Variants in TRMT11 observed in about 807,000 individuals in gnomAD.
TRMT11 encodes tRNA (guanine(10)-N(2))-methyltransferase TRMT11.
A neutral mutation model predicts 62.8 loss-of-function variants in TRMT11; 53 were observed. The ratio of observed to expected loss-of-function variants is 0.84; its 90% confidence interval spans 0.68 to 1.06. The LOEUF is 1.06. TRMT11 is among the 50% of genes least tolerant of loss of function. The pLI is 0.00. For missense variants in TRMT11, 556 were observed against 553.4 expected (o/e 1.00, Z -0.05); for synonymous variants, 188 against 190.3 (o/e 0.99, Z 0.10).
rs777192242 is a variant in TRMT11, at chr6:126,038,758, T to G, written c.1314T>G (p.Gly438=). 1 of 1,605,196 alleles carries G rather than the reference T, an allele frequency of 6.2e-7. No homozygotes were observed. The highest frequency in any genetic ancestry group is 8.5e-7 in the Non-Finnish European group (1 of 1,176,070). Reference sequence around the variant, plus strand: ...GTGATCATTTTCTGCCATACCAAGGTCATAATTCCTTCCGTGAGAAATATT... The same window carrying G: ...GTGATCATTTTCTGCCATACCAAGGGCATAATTCCTTCCGTGAGAAATATT... ...LLSDHFLPYQ[G]HNSFREKYFS... Residue 438 remains glycine, a synonymous_variant, in exon 13 of 13, where the codon GGT becomes GGG. Coordinates refer to ENST00000334379, the MANE Select transcript of TRMT11 (RefSeq NM_001031712.3).
At chr6:126,139,903 T>C (rs1335271045) in intron 21 of TRMT11, among the ~76,000 whole-genome samples, 1 of 152,122 alleles carries the variant, frequency 6.6e-6, no homozygotes, top group Non-Finnish European at 1.5e-5. Flanking sequence ...TTATTCTGAT[T>C]CTTATATCTG....
At chr6:126,133,271 T>A (rs1435370630) in intron 21 of TRMT11, among the ~76,000 whole-genome samples, 3 of 152,026 alleles carry the variant, frequency 2.0e-5, no homozygotes, top group African/African-American at 7.2e-5. Context: ...ATCTTTTAAA[T>A]CTTTATTTCG....
the TRMT11 span, among the ~76,000 whole-genome samples, chr6:126,235,953 T>C: frequency 6.6e-6 from 1 of 152,214 alleles, no homozygotes; most frequent in South Asian, 2.1e-4. Context: ...AATTTTGCCA[T>C]GTGAATATGT....
intron 1 of TRMT11, among the ~76,000 whole-genome samples, chr6:126,194,661 T>G (rs181851211): frequency 6.6e-6 from 1 of 152,366 alleles, no homozygotes; most frequent in East Asian, 1.9e-4. Context: ...AACTTTTCAC[T>G]GTCCCTTTCA....
intron 21 of TRMT11, among the ~76,000 whole-genome samples, chr6:126,124,162 T>C (rs1298432234): frequency 1.3e-5 from 2 of 152,130 alleles, no homozygotes; most frequent in Admixed American, 6.6e-5. Context: ...AAAAAGGTAT[T>C]GGTAATAGGC....
At chr6:126,115,971 G>C (rs1452036349) in intron 21 of TRMT11, among the ~76,000 whole-genome samples, 1 of 151,342 alleles carries the variant, frequency 6.6e-6, no homozygotes, top group Non-Finnish European at 1.5e-5. Context: ...CAAGATTCTG[G>C]GTTTTCGTAA....
the TRMT11 span, among the ~76,000 whole-genome samples, chr6:126,266,098 C>T: frequency 1.3e-5 from 2 of 152,108 alleles, no homozygotes; most frequent in Middle Eastern, 3.2e-3. Flanking sequence ...TATTCAGTTA[C>T]ATTCCTTTAT....
the TRMT11 span, among the ~76,000 whole-genome samples, chr6:126,233,378 T>C: frequency 2.0e-5 from 3 of 152,176 alleles, no homozygotes; most frequent in Admixed American, 1.3e-4. Context: ...TTCTATCTTG[T>C]TGTTTCAGCA....
intron 11 of TRMT11, among the ~76,000 whole-genome samples, chr6:126,016,530 T>C (rs1795005640): frequency 6.6e-6 from 1 of 152,146 alleles, no homozygotes; most frequent in Admixed American, 6.6e-5. Context: ...TTATAAAAAG[T>C]AATATTGGAG....
chr6:126,258,265 G>A, the TRMT11 span: 3 of 546,806 alleles, frequency 5.5e-6, no homozygotes, highest in Admixed American at 2.2e-5. Flanking sequence ...CGGCCCTGGG[G>A]GGTGGGCTCT....
rs555163400 is a variant in TRMT11 at position 126,134,641 on chromosome 6, G to A, written c.*1823+18786G>A. Among the ~76,000 whole-genome samples the A allele has an allele frequency of 7.9e-5, 12 of 151,874 alleles. No homozygotes were observed. In the South Asian group the frequency reaches 2.1e-3, roughly 26 times the overall value. ...GTTTGACTGTATTGTAGATTAAATGGACTTAACATACCTTTAGAGAACATT... is the reference window on the plus strand; with the variant it reads ...GTTTGACTGTATTGTAGATTAAATGAACTTAACATACCTTTAGAGAACATT... On this transcript the variant is annotated intron_variant and NMD_transcript_variant, in intron 21 of 22. Coordinates refer to the TRMT11 transcript ENST00000648977.
At chr6:126,244,892 G>T in the TRMT11 span, among the ~76,000 whole-genome samples, 1 of 151,998 alleles carries the variant, frequency 6.6e-6, no homozygotes, top group East Asian at 1.9e-4. Flanking sequence ...AAAACAATTT[G>T]GTCAAGACGT....
chr6:126,107,068 G>T (rs891078837), intron 17 of TRMT11, among the ~76,000 whole-genome samples: 1 of 152,050 alleles, frequency 6.6e-6, no homozygotes, highest in African/African-American at 2.4e-5. Context: ...TAAAAGAAAA[G>T]AGTATCACTA....
chr6:125,986,648 T>G (rs774579659), intron 1 of TRMT11, 26 bp downstream of exon 1: 1 of 1,564,746 alleles, frequency 6.4e-7, no homozygotes, highest in Non-Finnish European at 8.7e-7. Flanking sequence ...CCTCCGGAAC[T>G]TCCGACGGAA....
chr6:126,025,487 A>G (rs141075118), intron 12 of TRMT11, among the ~76,000 whole-genome samples: 1 of 152,344 alleles, frequency 6.6e-6, no homozygotes, highest in Non-Finnish European at 1.5e-5. Flanking sequence ...GGTCTTCCCT[A>G]TATAAGATCA....
At chr6:126,065,475 A>G (rs1227193060) in intron 17 of TRMT11, among the ~76,000 whole-genome samples, 1 of 152,116 alleles carries the variant, frequency 6.6e-6, no homozygotes, top group Non-Finnish European at 1.5e-5. Context: ...AAAACCTTAT[A>G]ACCTACACTT....
At chr6:126,211,418 A>G in the TRMT11 span, among the ~76,000 whole-genome samples, 3 of 152,036 alleles carry the variant, frequency 2.0e-5, 1 homozygote, top group Middle Eastern at 6.8e-3. Flanking sequence ...TTTTCTTTCC[A>G]TCTCCACTAC....
chr6:126,008,332 A>G, intron 7 of TRMT11, 60 bp from the exon 8 acceptor site: 1 of 1,367,476 alleles, frequency 7.3e-7, no homozygotes, highest in Non-Finnish European at 1.0e-6. Context: ...GAAGTTAAAT[A>G]GGAACAAACA....
chr6:126,223,879 T>C, the TRMT11 span, among the ~76,000 whole-genome samples: 6 of 152,224 alleles, frequency 3.9e-5, no homozygotes, highest in Non-Finnish European at 7.3e-5. Flanking sequence ...TCTGAGTTGA[T>C]TCAAAGAATC....
Sources: gnomAD v4.1 joint callset for allele counts (sites outside exome capture counted in the v4.1 genomes callset) on GRCh38, gnomAD v4.1.1 for gene constraint, MANE v1.5 for transcripts, NCBI Gene and HGNC (gene_info 2026-07-23, HGNC 2026-07-21) for gene names.